Variants in SCGN observed in about 807,000 individuals in gnomAD.
SCGN encodes the protein secretagogin, EF-hand calcium binding protein, also known as secretagogin.
In SCGN, 30 loss-of-function variants were observed where a neutral mutation model predicts 39.7. That is an observed-to-expected ratio of 0.76 (90% confidence interval 0.57 to 1.03). SCGN has a LOEUF of 1.03. Among genes scored for constraint, SCGN ranks in the 50% least tolerant of loss-of-function variants. The pLI, the probability that SCGN is intolerant of heterozygous loss-of-function variation, is 0.00. For synonymous variants in SCGN, 106 were observed against 114.1 expected (o/e 0.93, Z 0.45); for missense variants, 353 against 349.4 (o/e 1.01, Z -0.08).
Position 25,680,939 on chromosome 6 carries a change from A to G in SCGN, c.472-1012A>G, listed in dbSNP as rs181904728. On this transcript the variant is annotated intron_variant, in intron 6 of 10. Transcript: ENST00000377961. ...ATTTTTTAAAGCAAAAATCTGTTGG[A>G]TGTATTTTCAGATTATCTCGCTCCC... Among the ~76,000 whole-genome samples, 220 of 152,270 alleles carry G rather than the reference A, an allele frequency of 1.4e-3. 7 individuals carry two copies. In the South Asian group the frequency reaches 0.024, roughly 16 times the overall value.
rs566198387 is a variant in SCGN at position 25,701,620 on chromosome 6, T to G, written c.*285T>G. On this transcript the variant is annotated 3_prime_UTR_variant, in exon 11 of 11. Transcript: ENST00000377961. ...GATGGCTCTGCCTGTCCTTCCCCAG[T>G]CACCAGGGTGGGGGGGACAGGGGCA... 1 of 267,452 alleles carries G rather than the reference T, an allele frequency of 3.7e-6. No individual in the cohort carries two copies. 16.6% of individuals were successfully genotyped at this position (267,452 alleles called of 1,614,324 possible). A position where few individuals can be genotyped will look rare whatever the true frequency, so the allele number is the denominator to read the frequency against.
chr6:25,682,019 G>C lies in SCGN; in HGVS notation c.527+13G>C. ...ATGACTTAGCAAGGTGAGTTACATG[G>C]AAATGATATCATACATTCAGAAATA... is the stretch of plus-strand genomic sequence containing the variant. On this transcript the variant is annotated intron_variant, in intron 7 of 10. Coordinates refer to ENST00000377961, the MANE Select transcript of SCGN (RefSeq NM_006998.4). 1 of 1,597,068 alleles carries C rather than the reference G, an allele frequency of 6.3e-7. No homozygotes were observed.
intron 3 of SCGN, among the ~76,000 whole-genome samples, chr6:25,664,267 T>C (rs1023713500): frequency 6.6e-6 from 1 of 152,188 alleles, no homozygotes; most frequent in Non-Finnish European, 1.5e-5. Context: ...AACACTCAAG[T>C]ATCAAGCCAG....
chr6:25,667,802 C>T (rs534758937), intron 4 of SCGN, among the ~76,000 whole-genome samples: 1 of 152,252 alleles, frequency 6.6e-6, no homozygotes, highest in Admixed American at 6.5e-5. Flanking sequence ...TGAATAGTCA[C>T]ATAAAAATCT....
chr6:25,684,570 G>A (rs1759679419), intron 7 of SCGN, among the ~76,000 whole-genome samples: 1 of 152,202 alleles, frequency 6.6e-6, no homozygotes, highest in Non-Finnish European at 1.5e-5. Context: ...CGAGGCAGGT[G>A]CATCACTTGA....
intron 10 of SCGN, among the ~76,000 whole-genome samples, chr6:25,691,540 C>G (rs905601696): frequency 2.6e-5 from 4 of 152,020 alleles, no homozygotes; most frequent in African/African-American, 7.3e-5. Context: ...AGAGGCTTCT[C>G]TAATACCTAG....
At chr6:25,687,354 T>C (rs190502171) in intron 7 of SCGN, among the ~76,000 whole-genome samples, 12 of 152,278 alleles carry the variant, frequency 7.9e-5, no homozygotes, top group African/African-American at 2.4e-4. Context: ...AGCTCTTTAA[T>C]TTCTTTCAAC....
intron 3 of SCGN, among the ~76,000 whole-genome samples, chr6:25,664,540 T>C (rs1045601372): frequency 6.6e-6 from 1 of 152,230 alleles, no homozygotes; most frequent in Non-Finnish European, 1.5e-5. Context: ...TTTAGAATAA[T>C]GCATGGCAAA....
At chr6:25,677,869 C>T (rs1759585674) in intron 6 of SCGN, among the ~76,000 whole-genome samples, 1 of 152,204 alleles carries the variant, frequency 6.6e-6, no homozygotes, top group Admixed American at 6.5e-5. Flanking sequence ...TCTCCCACCA[C>T]ATGACAGTAG....
chr6:25,679,827 G>A (rs1252729610), intron 6 of SCGN, among the ~76,000 whole-genome samples: 2 of 152,132 alleles, frequency 1.3e-5, no homozygotes, highest in African/African-American at 2.4e-5. Context: ...AATTAGAAAA[G>A]GTAAATATCA....
chr6:25,676,924 A>G (rs1263542289), intron 6 of SCGN, among the ~76,000 whole-genome samples: 1 of 152,190 alleles, frequency 6.6e-6, no homozygotes, highest in Admixed American at 6.5e-5. Flanking sequence ...GAATGATGCC[A>G]GTCACCTGTG....
At chr6:25,661,667 T>C in intron 3 of SCGN, 23 bp downstream of exon 3, 1 of 1,470,258 alleles carries the variant, frequency 6.8e-7, no homozygotes, top group Non-Finnish European at 9.5e-7. Flanking sequence ...ACAGTATTTT[T>C]CATGGCTCTA....
chr6:25,698,801 G>A (rs1454745649), intron 10 of SCGN, among the ~76,000 whole-genome samples: 1 of 152,132 alleles, frequency 6.6e-6, no homozygotes, highest in Non-Finnish European at 1.5e-5. Flanking sequence ...CAGACTTTCA[G>A]CTCCTGATAT....
At chr6:25,673,039 A>T (rs4711090) in intron 6 of SCGN, among the ~76,000 whole-genome samples, 1 of 151,944 alleles carries the variant, frequency 6.6e-6, no homozygotes, top group Non-Finnish European at 1.5e-5. Flanking sequence ...GGACCTGACA[A>T]GTAGTAGCCT....
At chr6:25,676,091 G>A (rs1759560037) in intron 6 of SCGN, among the ~76,000 whole-genome samples, 1 of 152,110 alleles carries the variant, frequency 6.6e-6, no homozygotes, top group Non-Finnish European at 1.5e-5. Flanking sequence ...AACCATCTTT[G>A]ATGCCTCTTT....
rs1309038708 is a variant in SCGN, at chr6:25,654,466, T to C, written c.153+1014T>C. Among the ~76,000 whole-genome samples, 9 of 152,316 alleles carry C rather than the reference T, an allele frequency of 5.9e-5. No individual in the cohort carries two copies. The East Asian group carries it at 1.7e-3, about 29-fold the overall frequency. On this transcript the variant is annotated intron_variant, in intron 2 of 10. Coordinates refer to ENST00000377961, the MANE Select transcript of SCGN (RefSeq NM_006998.4). The stretch of plus-strand genomic sequence containing the variant: ...TTTTTATGTCTATCTCTGTCATTTT[T>C]CTGCTCACTTCTGTTTCTTATCTCT...
Position 25,669,551 on chromosome 6 carries a change from C to T in SCGN, c.377C>T (p.Ser126Leu). Reference protein sequence around the residue: ...KYDADSSGFISAAELRNFLRD... With the variant: ...KYDADSSGFILAAELRNFLRD... ...GACGCTGACAGCAGTGGCTTTATATCAGCTGCTGAGCTCCGCGTGAGTGTC... is the reference window on the plus strand; with the variant it reads ...GACGCTGACAGCAGTGGCTTTATATTAGCTGCTGAGCTCCGCGTGAGTGTC... The change falls in exon 5 of 11, where the codon TCA (serine) becomes TTA (leucine). Residue 126 changes from serine to leucine, a missense_variant. Physicochemically the swap from Ser to Leu is moderately radical, Grantham distance 145. Transcript: ENST00000377961. 9.3e-6 allele frequency: 15 copies of T among 1,613,438 alleles called. No homozygotes were observed. The highest frequency in any genetic ancestry group is 1.1e-5 in the Non-Finnish European group (13 of 1,179,410).
chr6:25,701,398 C>T lies in SCGN; in HGVS notation c.*63C>T. On this transcript the variant is annotated 3_prime_UTR_variant, in exon 11 of 11. Transcript: ENST00000377961. ...TGTGATCTTGCTGGTAGAATTGTAT[C>T]TGTGCATTGATGTTGGGAACACAGT... 3.2e-6 allele frequency: 5 copies of T among 1,574,572 alleles called. No homozygotes were observed. The highest frequency in any genetic ancestry group is 4.3e-6 in the Non-Finnish European group (5 of 1,159,412).
chr6:25,680,052 A>T (rs1561767020), intron 6 of SCGN, among the ~76,000 whole-genome samples: 2 of 152,214 alleles, frequency 1.3e-5, no homozygotes, highest in African/African-American at 4.8e-5. Flanking sequence ...TTACAAACGC[A>T]GATTTTTTTT....
Sources: gnomAD v4.1 joint callset for allele counts (sites outside exome capture counted in the v4.1 genomes callset) on GRCh38, gnomAD v4.1.1 for gene constraint, MANE v1.5 for transcripts, NCBI Gene and HGNC (gene_info 2026-07-23, HGNC 2026-07-21) for gene names.